KCNH7: variants seen among roughly 807,000 people sequenced by gnomAD.
KCNH7 encodes voltage-gated inwardly rectifying potassium channel KCNH7.
KCNH7 carries 49 observed loss-of-function variants against 120.8 expected under a neutral mutation model. The ratio of observed to expected loss-of-function variants is 0.41; its 90% CI spans 0.32 to 0.51. KCNH7 has a LOEUF of 0.51. Among genes scored for constraint, KCNH7 ranks in the 20% least tolerant of loss-of-function variants. The pLI, the probability that KCNH7 is intolerant of heterozygous loss-of-function variation, is 0.38. For synonymous variants in KCNH7, 547 were observed against 516.1 expected, an observed-to-expected ratio of 1.06 and a Z score of -0.81; for missense variants, 1,097 against 1,446.6, an observed-to-expected ratio of 0.76 and a Z score of 3.92.
At chr2:162,600,300 G>C (rs1195984755) in intron 2 of KCNH7, among the ~76,000 whole-genome samples, 2 of 152,090 alleles carry the variant, frequency 1.3e-5, no homozygotes, top group African/African-American at 4.8e-5. Context: ...TCAATTAAAT[G>C]AGACCAAGCA....
chr2:162,574,556 T>A (rs1693604471), intron 2 of KCNH7, among the ~76,000 whole-genome samples: 1 of 152,132 alleles, frequency 6.6e-6, no homozygotes, highest in African/African-American at 2.4e-5. Context: ...TTTCTGAAAC[T>A]GCTTAGAGCC....
chr2:162,583,980 C>T (rs1236280391), intron 2 of KCNH7, among the ~76,000 whole-genome samples: 1 of 152,074 alleles, frequency 6.6e-6, no homozygotes, highest in Non-Finnish European at 1.5e-5. Flanking sequence ...TAATCAAGCA[C>T]ATTGATATCT....
At chr2:162,793,929 T>C (rs1376120351) in intron 2 of KCNH7, among the ~76,000 whole-genome samples, 1 of 151,950 alleles carries the variant, frequency 6.6e-6, no homozygotes, top group Non-Finnish European at 1.5e-5. Flanking sequence ...AGAGAATAGA[T>C]CCTAAATGTT....
intron 2 of KCNH7, among the ~76,000 whole-genome samples, chr2:162,681,347 T>C (rs752827653): frequency 5.2e-4 from 79 of 151,180 alleles, no homozygotes; most frequent in Admixed American, 2.0e-3. Flanking sequence ...AGGATGAGAG[T>C]GGTGATTGAA....
At chr2:162,733,034 C>T (rs1687779746) in intron 2 of KCNH7, among the ~76,000 whole-genome samples, 1 of 152,152 alleles carries the variant, frequency 6.6e-6, no homozygotes, top group South Asian at 2.1e-4. Context: ...AGTGGGAGTC[C>T]ATTCCTTTCA....
At chr2:162,740,682 C>T (rs1425099156) in intron 2 of KCNH7, among the ~76,000 whole-genome samples, 3 of 152,200 alleles carry the variant, frequency 2.0e-5, no homozygotes, top group Non-Finnish European at 2.9e-5. Flanking sequence ...GGTCCAAGTT[C>T]TCTTAATTCC....
chr2:162,389,977 GA>G (rs1011831169), intron 12 of KCNH7, among the ~76,000 whole-genome samples: 4 of 152,006 alleles, frequency 2.6e-5, no homozygotes, highest in East Asian at 3.9e-4. Context: ...AAATAAACAT[GA>G]AAAAACTCAG....
At chr2:162,587,048 C>T (rs969274609) in intron 2 of KCNH7, among the ~76,000 whole-genome samples, 2 of 151,916 alleles carry the variant, frequency 1.3e-5, no homozygotes, top group Non-Finnish European at 2.9e-5. Context: ...TACTTGTAAG[C>T]AAAACTTAGT....
chr2:162,488,966 C>T (rs988972940), intron 6 of KCNH7, among the ~76,000 whole-genome samples: 5 of 152,068 alleles, frequency 3.3e-5, no homozygotes, highest in African/African-American at 1.2e-4. Flanking sequence ...TATGTTATTC[C>T]TTCATCATCT....
intron 2 of KCNH7, among the ~76,000 whole-genome samples, chr2:162,822,249 A>C (rs1685145953): frequency 6.6e-6 from 1 of 151,796 alleles, no homozygotes; most frequent in African/African-American, 2.4e-5. Flanking sequence ...TAGGCATATC[A>C]ACTTAATATG....
At chr2:162,534,271 T>A (rs1236779182) in intron 3 of KCNH7, among the ~76,000 whole-genome samples, 1 of 151,326 alleles carries the variant, frequency 6.6e-6, no homozygotes, top group African/African-American at 2.4e-5. Flanking sequence ...AAAACTGAAT[T>A]AAGCATATAA....
At chr2:162,646,043 G>A (rs192994199) in intron 2 of KCNH7, among the ~76,000 whole-genome samples, 11 of 152,284 alleles carry the variant, frequency 7.2e-5, no homozygotes, top group African/African-American at 2.6e-4. Context: ...TACAATCCAT[G>A]TGGTCAAATT....
chr2:162,825,580 T>C (rs1685252122), intron 2 of KCNH7, among the ~76,000 whole-genome samples: 1 of 152,146 alleles, frequency 6.6e-6, no homozygotes, highest in Admixed American at 6.6e-5. Context: ...TCTAGGACTA[T>C]TTAGTAAGGA....
At chr2:162,449,699 G>A (rs577582057) in intron 6 of KCNH7, among the ~76,000 whole-genome samples, 1 of 152,054 alleles carries the variant, frequency 6.6e-6, no homozygotes, top group African/African-American at 2.4e-5. Flanking sequence ...ATAGAGACAG[G>A]CACAGGATGT....
intron 2 of KCNH7, among the ~76,000 whole-genome samples, chr2:162,626,201 G>A (rs1683552797): frequency 6.6e-6 from 1 of 152,054 alleles, no homozygotes; most frequent in African/African-American, 2.4e-5. Flanking sequence ...AAAAACAACT[G>A]AGAAAAATGT....
chr2:162,600,696 G>T (rs1267613535), intron 2 of KCNH7, among the ~76,000 whole-genome samples: 1 of 152,100 alleles, frequency 6.6e-6, no homozygotes, highest in Non-Finnish European at 1.5e-5. Flanking sequence ...CTTGTTGCAT[G>T]AATTAACACT....
intron 2 of KCNH7, among the ~76,000 whole-genome samples, chr2:162,761,178 A>T (rs1363559661): frequency 6.6e-6 from 1 of 152,094 alleles, no homozygotes; most frequent in Non-Finnish European, 1.5e-5. Context: ...ATCCCTGTCT[A>T]TATCAAGGAA....
chr2:162,593,129 C>T (rs1023465705), intron 2 of KCNH7, among the ~76,000 whole-genome samples: 1 of 152,024 alleles, frequency 6.6e-6, no homozygotes, highest in Non-Finnish European at 1.5e-5. Context: ...TTTTTGGCAA[C>T]TCTTTCAAAA....
chr2:162,838,314 G>T, intron 1 of KCNH7, 129 bp downstream of exon 1: 1 of 683,682 alleles, frequency 1.5e-6, no homozygotes, highest in Non-Finnish European at 2.6e-6. Flanking sequence ...GAACCTCCTG[G>T]CTCGGTTTCA....
Sources: gnomAD v4.1 joint callset for allele counts (sites outside exome capture counted in the v4.1 genomes callset) on GRCh38, gnomAD v4.1.1 for gene constraint, MANE v1.5 for transcripts, NCBI Gene and HGNC (gene_info 2026-07-23, HGNC 2026-07-21) for gene names.